GRID1: variants seen among roughly 807,000 people sequenced by gnomAD.
GRID1 encodes the protein glutamate ionotropic receptor delta type subunit 1.
In GRID1, 28 loss-of-function variants were observed where a neutral mutation model predicts 98.0. The observed-to-expected ratio is 0.29, with a 90% CI of 0.21 to 0.39. The LOEUF (loss-of-function observed/expected upper bound fraction) is 0.39. Among genes scored for constraint, GRID1 ranks in the 10% least tolerant of loss-of-function variants. The pLI is 1.00. For synonymous variants in GRID1, 553 were observed against 538.5 expected (o/e 1.03, Z -0.37); for missense variants, 1,111 against 1,340.5 (o/e 0.83, Z 2.67).
intron 8 of GRID1, among the ~76,000 whole-genome samples, chr10:85,780,452 G>A (rs985085495): frequency 5.3e-5 from 8 of 152,256 alleles, no homozygotes; most frequent in African/African-American, 1.7e-4. Flanking sequence ...TGCACCACGG[G>A]GCAGAAGTCC....
intron 3 of GRID1, among the ~76,000 whole-genome samples, chr10:86,187,167 C>T (rs950705527): frequency 6.6e-6 from 1 of 152,200 alleles, no homozygotes; most frequent in Non-Finnish European, 1.5e-5. Flanking sequence ...TCTTTTGCCA[C>T]TTGCTGTCTC....
At position 85,869,013 on chromosome 10, in the gene GRID1, C is replaced by A. The variant is rs1843250082; in HGVS notation, c.948G>T (p.Leu316=). The change falls in exon 6 of 16, where the codon CTG becomes CTT. Residue 316 remains leucine (L), a synonymous_variant. Transcript: ENST00000327946. ...CDPQEGYLQM[L]QISNLYLYDS... ...AGAGAAGAGGCTGAGCACTGACCTG[C>A]AGCATCTGGAGGTAGCCTTCCTGGG... 1.2e-6 allele frequency: 2 copies of A among 1,613,246 alleles called. No homozygotes were observed. The highest frequency in any genetic ancestry group is 1.3e-5 in the African/African-American group (1 of 74,896).
chr10:85,800,842 G>A (rs892894338), intron 8 of GRID1, among the ~76,000 whole-genome samples: 13 of 151,932 alleles, frequency 8.6e-5, no homozygotes, highest in Non-Finnish European at 1.2e-4. Flanking sequence ...AGATAGAAAC[G>A]GAAGCACAGA....
At chr10:86,046,446 C>T (rs1394396095) in intron 4 of GRID1, among the ~76,000 whole-genome samples, 1 of 152,204 alleles carries the variant, frequency 6.6e-6, no homozygotes, top group Non-Finnish European at 1.5e-5. Context: ...CCTTCATGAG[C>T]TAAGCCCCAC....
intron 4 of GRID1, among the ~76,000 whole-genome samples, chr10:86,010,814 C>CAAAA (rs58304694): frequency 1.7e-5 from 2 of 114,548 alleles, no homozygotes; most frequent in South Asian, 2.8e-4. Context: ...ACTATGTCTC[C>CAAAA]AAAAAAAAAA....
intron 2 of GRID1, among the ~76,000 whole-genome samples, chr10:86,299,725 T>A (rs1344331621): frequency 6.6e-6 from 1 of 152,044 alleles, no homozygotes; most frequent in African/African-American, 2.4e-5. Context: ...CTTGTGCCTG[T>A]CCCTCCAACA....
chr10:86,052,700 A>T (rs541476442), intron 4 of GRID1: 1 of 152,372 alleles, frequency 6.6e-6, no homozygotes, highest in Non-Finnish European at 1.5e-5. Flanking sequence ...AACATAGAGA[A>T]GAAGAATGGG....
At chr10:85,685,354 A>T (rs1353239123) in intron 12 of GRID1, among the ~76,000 whole-genome samples, 5 of 152,214 alleles carry the variant, frequency 3.3e-5, no homozygotes, top group Non-Finnish European at 7.4e-5. Flanking sequence ...AATAAATCTA[A>T]CACAAGGTGT....
chr10:86,233,315 A>G (rs1289227189), intron 2 of GRID1, among the ~76,000 whole-genome samples: 1 of 152,156 alleles, frequency 6.6e-6, no homozygotes, highest in Non-Finnish European at 1.5e-5. Flanking sequence ...GCAAGGGGCC[A>G]ATTTCTATAA....
intron 6 of GRID1, among the ~76,000 whole-genome samples, chr10:85,861,972 G>T (rs1038318538): frequency 2.0e-5 from 3 of 152,140 alleles, no homozygotes; most frequent in African/African-American, 7.2e-5. Context: ...TTTCCACACT[G>T]CACAGAGTTG....
At chr10:86,107,078 G>T (rs914278776) in intron 4 of GRID1, among the ~76,000 whole-genome samples, 1 of 152,174 alleles carries the variant, frequency 6.6e-6, no homozygotes, top group Non-Finnish European at 1.5e-5. Context: ...GACAAGTCTA[G>T]GAAAAGGAAG....
At chr10:85,774,348 G>A (rs930721043) in intron 8 of GRID1, among the ~76,000 whole-genome samples, 3 of 152,176 alleles carry the variant, frequency 2.0e-5, no homozygotes, top group African/African-American at 7.2e-5. Context: ...AGACTTAAAT[G>A]TTAGACCTAA....
intron 8 of GRID1, among the ~76,000 whole-genome samples, chr10:85,833,599 AG>A (rs1271676231): frequency 6.6e-6 from 1 of 152,224 alleles, no homozygotes; most frequent in Non-Finnish European, 1.5e-5. Context: ...GATATAATCA[AG>A]AACTAGGAAA....
chr10:86,054,914 C>T (rs1456663291), intron 4 of GRID1, among the ~76,000 whole-genome samples: 4 of 152,318 alleles, frequency 2.6e-5, no homozygotes, highest in Non-Finnish European at 5.9e-5. Context: ...TAGAATGAGG[C>T]GGAAGTGACG....
intron 2 of GRID1, among the ~76,000 whole-genome samples, chr10:86,301,092 G>A (rs1331454349): frequency 6.6e-6 from 1 of 152,166 alleles, no homozygotes; most frequent in African/African-American, 2.4e-5. Context: ...TCCAAGGAAG[G>A]CTAAGGGAAT....
intron 2 of GRID1, among the ~76,000 whole-genome samples, chr10:86,308,176 C>T (rs1331388671): frequency 6.6e-6 from 1 of 152,178 alleles, no homozygotes; most frequent in Non-Finnish European, 1.5e-5. Flanking sequence ...ACTGTGCCAC[C>T]CTAGACACTC....
intron 4 of GRID1, among the ~76,000 whole-genome samples, chr10:86,120,275 C>A (rs1844646422): frequency 6.6e-6 from 1 of 152,150 alleles, no homozygotes; most frequent in Non-Finnish European, 1.5e-5. Context: ...ATGCTCCTAC[C>A]CTTGCTGCCC....
At chr10:86,229,813 C>G (rs1846422566) in intron 2 of GRID1, among the ~76,000 whole-genome samples, 1 of 152,184 alleles carries the variant, frequency 6.6e-6, no homozygotes, top group South Asian at 2.1e-4. Context: ...TTCACTAAGT[C>G]CTGCCCAGAC....
intron 12 of GRID1, among the ~76,000 whole-genome samples, chr10:85,665,828 G>A (rs1841013727): frequency 6.6e-6 from 1 of 152,116 alleles, no homozygotes; most frequent in African/African-American, 2.4e-5. Flanking sequence ...ACCAAGGACA[G>A]GAAAATCTGA....
Sources: allele counts gnomAD v4.1 joint callset (sites outside exome capture counted in the v4.1 genomes callset), GRCh38; gene constraint gnomAD v4.1.1; transcripts MANE v1.5; gene names NCBI Gene and HGNC (gene_info 2026-07-23, HGNC 2026-07-21).